The following TENM2 variants were observed in gnomAD, a reference collection of about 807,000 sequenced individuals.
The protein encoded by TENM2 is teneurin-2.
In TENM2, 52 loss-of-function variants were observed where a neutral mutation model predicts 245.2. The ratio of observed to expected loss-of-function variants is 0.21; its 90% CI spans 0.17 to 0.27. The LOEUF (loss-of-function observed/expected upper bound fraction) is 0.27. Ranked by LOEUF, TENM2 falls within the 10% of genes least tolerant of loss-of-function variation. TENM2 has a pLI of 1.00. For synonymous variants in TENM2, 1,363 were observed against 1,438.9 expected, an observed-to-expected ratio of 0.95 and a Z score of 1.19; for missense variants, 3,046 against 3,666.8, an observed-to-expected ratio of 0.83 and a Z score of 4.37.
intron 2 of TENM2, among the ~76,000 whole-genome samples, chr5:167,399,736 T>G (rs1394380752): frequency 6.6e-6 from 1 of 152,134 alleles, no homozygotes; most frequent in East Asian, 1.9e-4. Context: ...GAAGAGTAAA[T>G]TAGTAAAATA....
chr5:168,177,292 A>G (rs1017658188), intron 13 of TENM2, among the ~76,000 whole-genome samples: 1 of 152,250 alleles, frequency 6.6e-6, no homozygotes, highest in African/African-American at 2.4e-5. Flanking sequence ...ACAAATGGTT[A>G]CTATACAACA....
chr5:167,242,900 G>C, the TENM2 span, among the ~76,000 whole-genome samples: 1 of 152,036 alleles, frequency 6.6e-6, no homozygotes, highest in Non-Finnish European at 1.5e-5. Context: ...TTTGTGTGTA[G>C]ACGAAAAATA....
intron 1 of TENM2, among the ~76,000 whole-genome samples, chr5:167,349,522 G>C (rs1234037313): frequency 6.6e-6 from 1 of 151,886 alleles, no homozygotes; most frequent in Non-Finnish European, 1.5e-5. Context: ...AATTATTCTT[G>C]TTATTATTGT....
At chr5:168,183,841 G>C (rs973595118) in intron 13 of TENM2, among the ~76,000 whole-genome samples, 4 of 149,740 alleles carry the variant, frequency 2.7e-5, no homozygotes, top group African/African-American at 1.0e-4. Context: ...GACTCAAAAA[G>C]AAAAAGAAAA....
At chr5:167,908,326 T>TCC (rs1776265291) in intron 3 of TENM2, among the ~76,000 whole-genome samples, 1 of 61,244 alleles carries the variant, frequency 1.6e-5, no homozygotes, top group Non-Finnish European at 3.2e-5. Flanking sequence ...TCCTCTCCCC[T>TCC]CCTCTCCTCT....
chr5:168,079,475 G>A (rs1791782668), intron 7 of TENM2, among the ~76,000 whole-genome samples: 1 of 152,168 alleles, frequency 6.6e-6, no homozygotes, highest in African/African-American at 2.4e-5. Flanking sequence ...ATGTTGAATA[G>A]GAGTGGTGAG....
chr5:167,324,871 A>G (rs1387281063), intron 1 of TENM2, among the ~76,000 whole-genome samples: 3 of 152,190 alleles, frequency 2.0e-5, no homozygotes, highest in Non-Finnish European at 4.4e-5. Context: ...GTGCCAGACA[A>G]CTGCCCTCTG....
At chr5:168,235,367 GATTA>G (rs1562316854) in intron 25 of TENM2, among the ~76,000 whole-genome samples, 1 of 152,206 alleles carries the variant, frequency 6.6e-6, no homozygotes, top group African/African-American at 2.4e-5. Flanking sequence ...TCTGCAAACA[GATTA>G]AATAATGTAT....
chr5:168,041,517 T>C (rs1028276745), intron 5 of TENM2, among the ~76,000 whole-genome samples: 1 of 152,242 alleles, frequency 6.6e-6, no homozygotes, highest in African/African-American at 2.4e-5. Flanking sequence ...AATTCCTTTA[T>C]GTCTTTGCTC....
intron 7 of TENM2, among the ~76,000 whole-genome samples, chr5:168,077,847 T>C (rs1581234707): frequency 6.6e-6 from 1 of 152,340 alleles, no homozygotes; most frequent in African/African-American, 2.4e-5. Context: ...TTTGGCTTGG[T>C]TGCAAGTCTT....
the TENM2 span, among the ~76,000 whole-genome samples, chr5:167,171,636 ATGAAAG>A: frequency 1.3e-5 from 2 of 152,202 alleles, no homozygotes; most frequent in East Asian, 3.9e-4. Flanking sequence ...ACCTGGAGCT[ATGAAAG>A]ATTAACTACT....
chr5:167,244,539 G>A, the TENM2 span, among the ~76,000 whole-genome samples: 9 of 152,324 alleles, frequency 5.9e-5, no homozygotes, highest in African/African-American at 2.2e-4. Flanking sequence ...GAAGCAGCAG[G>A]AATATTGTAG....
chr5:167,239,691 C>T, the TENM2 span, among the ~76,000 whole-genome samples: 1 of 152,184 alleles, frequency 6.6e-6, no homozygotes, highest in East Asian at 1.9e-4. Flanking sequence ...AAGAACATCT[C>T]TCAATAAATG....
chr5:167,233,420 A>T, the TENM2 span, among the ~76,000 whole-genome samples: 1 of 152,242 alleles, frequency 6.6e-6, no homozygotes, highest in Middle Eastern at 3.4e-3. Context: ...ATAAATATAT[A>T]TTTTTGGGGA....
chr5:167,592,612 G>A (rs573151511), intron 2 of TENM2, among the ~76,000 whole-genome samples: 2 of 152,212 alleles, frequency 1.3e-5, no homozygotes, highest in Non-Finnish European at 2.9e-5. Flanking sequence ...TCCAAGATGC[G>A]ATTTCATTCT....
At chr5:167,264,966 T>C in the TENM2 span, among the ~76,000 whole-genome samples, 9 of 152,070 alleles carry the variant, frequency 5.9e-5, no homozygotes, top group African/African-American at 1.9e-4. Flanking sequence ...GCAGCTCTTA[T>C]GTGAGTCAAA....
At chr5:167,893,705 A>G (rs573179728) in intron 3 of TENM2, among the ~76,000 whole-genome samples, 13 of 152,186 alleles carry the variant, frequency 8.5e-5, no homozygotes, top group African/African-American at 3.1e-4. Flanking sequence ...AATGAAATAA[A>G]GAAGAGATAA....
the TENM2 span, among the ~76,000 whole-genome samples, chr5:167,137,266 T>C: frequency 6.6e-6 from 1 of 152,210 alleles, no homozygotes; most frequent in African/African-American, 2.4e-5. Context: ...CTCCTCTATC[T>C]TCTTTGTCTT....
the TENM2 span, among the ~76,000 whole-genome samples, chr5:167,008,531 T>C: frequency 1.2e-4 from 18 of 152,222 alleles, no homozygotes; most frequent in African/African-American, 4.1e-4. Flanking sequence ...CACTTGAGTC[T>C]CCTTACATTT....
Sources: gnomAD v4.1 joint callset for allele counts (sites outside exome capture counted in the v4.1 genomes callset) on GRCh38, gnomAD v4.1.1 for gene constraint, MANE v1.5 for transcripts, NCBI Gene and HGNC (gene_info 2026-07-23, HGNC 2026-07-21) for gene names.